Variants in SOX6 observed in about 807,000 individuals in gnomAD.
SOX6 encodes SRY-box transcription factor 6.
In SOX6, 11 loss-of-function variants were observed where a neutral mutation model predicts 97.8. The observed-to-expected ratio is 0.11, with a 90% CI of 0.07 to 0.19. SOX6 has a LOEUF of 0.19. Among genes scored for constraint, SOX6 ranks in the 10% least tolerant of loss-of-function variants. The pLI is 1.00. For missense variants in SOX6, 810 were observed against 1,039.5 expected, an observed-to-expected ratio of 0.78 and a Z score of 3.04; for synonymous variants, 360 against 371.4, an observed-to-expected ratio of 0.97 and a Z score of 0.35.
At chr11:16,222,394 T>C (rs1852568185) in intron 4 of SOX6, among the ~76,000 whole-genome samples, 2 of 152,018 alleles carry the variant, frequency 1.3e-5, no homozygotes. Context: ...TTTAATTTTT[T>C]GTAGAGATGG....
intron 9 of SOX6, among the ~76,000 whole-genome samples, chr11:16,071,910 T>TAA (rs71313436): frequency 2.9e-5 from 4 of 137,002 alleles, no homozygotes; most frequent in Admixed American, 7.2e-5. Flanking sequence ...CTAAGAAGAT[T>TAA]AAAAAAAAAA....
At chr11:16,446,555 G>A (rs1052730837) in intron 1 of SOX6, among the ~76,000 whole-genome samples, 1 of 152,044 alleles carries the variant, frequency 6.6e-6, no homozygotes, top group African/African-American at 2.4e-5. Context: ...TTTCTGCAGA[G>A]TTAAAGTGAT....
intron 4 of SOX6, among the ~76,000 whole-genome samples, chr11:16,518,743 G>C (rs1861013105): frequency 6.6e-6 from 1 of 152,062 alleles, no homozygotes; most frequent in Non-Finnish European, 1.5e-5. Flanking sequence ...TTTATATCTT[G>C]TCTACTTCAA....
intron 3 of SOX6, among the ~76,000 whole-genome samples, chr11:16,681,191 T>C (rs1329846351): frequency 2.0e-5 from 3 of 152,184 alleles, no homozygotes; most frequent in South Asian, 4.1e-4. Flanking sequence ...TATTCTAAAA[T>C]TGACCACGTA....
chr11:16,241,288 T>C (rs886933360), intron 3 of SOX6, among the ~76,000 whole-genome samples: 1 of 152,092 alleles, frequency 6.6e-6, no homozygotes, highest in Non-Finnish European at 1.5e-5. Context: ...ATGTGCAGGC[T>C]GAAGCCTTGG....
At chr11:16,707,869 A>G (rs1430189060) in intron 3 of SOX6, among the ~76,000 whole-genome samples, 2 of 152,186 alleles carry the variant, frequency 1.3e-5, no homozygotes, top group African/African-American at 4.8e-5. Flanking sequence ...GATGCCTACA[A>G]ACCCCCTTCA....
intron 1 of SOX6, among the ~76,000 whole-genome samples, chr11:16,384,221 C>CTG (rs67189666): frequency 1 from 151,231 of 151,952 alleles, 75,262 homozygotes; most frequent in Middle Eastern, 1. Flanking sequence ...AAACAAGAAA[C>CTG]TTTAGGAATC....
chr11:16,216,340 A>T (rs1447434290), intron 4 of SOX6, among the ~76,000 whole-genome samples: 1 of 152,198 alleles, frequency 6.6e-6, no homozygotes. Context: ...AGCACTTTAA[A>T]AAGATTTGTG....
At chr11:16,176,482 C>T (rs557188782) in intron 6 of SOX6, among the ~76,000 whole-genome samples, 8 of 151,894 alleles carry the variant, frequency 5.3e-5, no homozygotes, top group East Asian at 1.9e-4. Flanking sequence ...TGACACATCA[C>T]GTTAAAGCCC....
At chr11:16,240,350 G>A (rs778487413) in intron 3 of SOX6, among the ~76,000 whole-genome samples, 7 of 146,606 alleles carry the variant, frequency 4.8e-5, no homozygotes, top group Non-Finnish European at 8.9e-5. Flanking sequence ...AATTAGAACT[G>A]TTAGATGCAA....
At chr11:16,282,182 C>T (rs1014666466) in intron 3 of SOX6, among the ~76,000 whole-genome samples, 42 of 150,956 alleles carry the variant, frequency 2.8e-4, no homozygotes, top group Middle Eastern at 3.4e-3. Flanking sequence ...AGTCATGAAA[C>T]TCAAATAAAA....
rs558150073 is a variant in SOX6, at chr11:16,396,401, C to A, written c.-4-55149G>T. ...TGTATACTGTGTATTTTCACAAATA[C>A]ACACACACAAACACATGCACACATA... On this transcript the variant is annotated intron_variant, in intron 1 of 15. Coordinates refer to the SOX6 transcript ENST00000396356. 9.5e-4 allele frequency among the ~76,000 whole-genome samples: 144 copies of A among 151,722 alleles called. No homozygotes were observed. The Middle Eastern group carries it at 0.045, about 47-fold the overall frequency.
intron 9 of SOX6, among the ~76,000 whole-genome samples, chr11:16,089,711 A>C (rs1303637932): frequency 6.6e-6 from 1 of 152,098 alleles, no homozygotes; most frequent in Non-Finnish European, 1.5e-5. Context: ...AGTGGTCAGA[A>C]GTGAGGAGAA....
chr11:16,677,727 C>G (rs1295278126), intron 3 of SOX6, among the ~76,000 whole-genome samples: 1 of 152,076 alleles, frequency 6.6e-6, no homozygotes, highest in East Asian at 1.9e-4. Flanking sequence ...TAATGCTAGC[C>G]TCATCTACCC....
intron 3 of SOX6, among the ~76,000 whole-genome samples, chr11:16,237,214 G>A (rs1041570597): frequency 1.3e-5 from 2 of 151,810 alleles, no homozygotes; most frequent in Non-Finnish European, 2.9e-5. Context: ...CAAACCTCTA[G>A]AGGCATACCA....
intron 4 of SOX6, among the ~76,000 whole-genome samples, chr11:16,557,197 T>G (rs1486159056): frequency 6.6e-6 from 1 of 151,850 alleles, no homozygotes; most frequent in East Asian, 1.9e-4. Flanking sequence ...TGAGTATAAT[T>G]AAAGTTTATG....
intron 6 of SOX6, among the ~76,000 whole-genome samples, chr11:16,124,395 T>C (rs1042545825): frequency 2.0e-5 from 3 of 151,918 alleles, no homozygotes; most frequent in East Asian, 1.9e-4. Context: ...ATAATAAATG[T>C]AAGTTGATAA....
chr11:16,341,218 C>G lies in SOX6; in HGVS notation c.31G>C (p.Ala11Pro). 3 of 1,613,198 alleles carry G rather than the reference C, an allele frequency of 1.9e-6. No homozygotes were observed. Among genetic ancestry groups the G allele is most frequent in the Non-Finnish European group, 2.5e-6 (3 of 1,179,516 alleles). MSSKQATSPF[A>P]CAADGEDAMT... ...GCATCCTCTCCATCAGCTGCACAGG[C>G]AAATGGAGAGGTGGCTTGCTTGGAA... The change falls in exon 2 of 16, where the codon GCC becomes CCC. Residue 11 changes from alanine (A) to proline (P), a missense_variant. Transcript: ENST00000683767.
intron 4 of SOX6, among the ~76,000 whole-genome samples, chr11:16,499,524 G>A (rs1164049498): frequency 1.3e-5 from 2 of 152,074 alleles, no homozygotes; most frequent in South Asian, 4.2e-4. Context: ...TCCAGGAGCT[G>A]GTTTTTTGAA....
Sources: gnomAD v4.1 joint callset for allele counts (sites outside exome capture counted in the v4.1 genomes callset) on GRCh38, gnomAD v4.1.1 for gene constraint, MANE v1.5 for transcripts, NCBI Gene and HGNC (gene_info 2026-07-23, HGNC 2026-07-21) for gene names.